The following OR51B5 variants were observed in gnomAD, a reference collection of about 807,000 sequenced individuals.
OR51B5 encodes the protein olfactory receptor 51B5.
For synonymous variants in OR51B5, 186 were observed against 144.8 expected, an observed-to-expected ratio of 1.28 and a Z score of -2.04; for missense variants, 456 against 374.6, an observed-to-expected ratio of 1.22 and a Z score of -1.79.
At chr11:5,479,162 C>A (rs1290579673) in intron 1 of OR51B5, among the ~76,000 whole-genome samples, 1 of 148,358 alleles carries the variant, frequency 6.7e-6, no homozygotes, top group African/African-American at 2.5e-5. Context: ...CAGCGGATCT[C>A]TCGGCAGAAA....
chr11:5,449,046 G>T (rs1320098381), intron 1 of OR51B5, among the ~76,000 whole-genome samples: 1 of 152,170 alleles, frequency 6.6e-6, no homozygotes, highest in Admixed American at 6.5e-5. Context: ...CATAAAGCCA[G>T]AATCTCTTAG....
At chr11:5,359,932 G>C (rs2133696545) in intron 1 of OR51B5, among the ~76,000 whole-genome samples, 1 of 152,306 alleles carries the variant, frequency 6.6e-6, no homozygotes, top group East Asian at 1.9e-4. Flanking sequence ...GGGAAAACTG[G>C]CTAACCATAC....
intron 1 of OR51B5, chr11:5,351,859 T>C: frequency 6.2e-7 from 1 of 1,613,688 alleles, no homozygotes; most frequent in Non-Finnish European, 8.5e-7. Context: ...TGCCATGGCT[T>C]ATGACTGTTT....
At chr11:5,393,263 GAATGT>G (rs1157902196) in intron 1 of OR51B5, 6 of 152,098 alleles carry the variant, frequency 3.9e-5, no homozygotes, top group African/African-American at 1.4e-4. Flanking sequence ...ATAATTTTAA[GAATGT>G]AAGCATACAA....
chr11:5,422,358 C>T, intron 1 of OR51B5: 1 of 1,614,172 alleles, frequency 6.2e-7, no homozygotes, highest in African/African-American at 1.3e-5. Flanking sequence ...GTCATTCGCA[C>T]AGAGCCATCT....
At chr11:5,390,866 A>C in intron 1 of OR51B5, 1 of 154,824 alleles carries the variant, frequency 6.5e-6, no homozygotes, top group Non-Finnish European at 1.4e-5. Flanking sequence ...TAACTTTCAG[A>C]CCCCCAAGTC....
At chr11:5,488,867 T>G in intron 1 of OR51B5, 1 of 1,614,082 alleles carries the variant, frequency 6.2e-7, no homozygotes, top group Non-Finnish European at 8.5e-7. Context: ...GTCATTGCCA[T>G]GGACAATGCT....
chr11:5,419,938 A>G (rs1219652127), intron 1 of OR51B5, among the ~76,000 whole-genome samples: 1 of 151,554 alleles, frequency 6.6e-6, no homozygotes, highest in Non-Finnish European at 1.5e-5. Context: ...ATATATAAAG[A>G]TTATAATTAG....
At chr11:5,455,561 G>T (rs1196307741) in intron 1 of OR51B5, 3 of 33,724 alleles carry the variant, frequency 8.9e-5, no homozygotes, top group African/African-American at 1.7e-4. Context: ...GAGAAAGAAG[G>T]GGGGAGAGAG....
intron 1 of OR51B5, among the ~76,000 whole-genome samples, chr11:5,423,588 C>G (rs1850393885): frequency 6.6e-6 from 1 of 152,160 alleles, no homozygotes; most frequent in African/African-American, 2.4e-5. Context: ...CTGGGTCACT[C>G]TCACGGGTGA....
At chr11:5,351,288 T>A (rs1020333436) in intron 1 of OR51B5, among the ~76,000 whole-genome samples, 6 of 152,228 alleles carry the variant, frequency 3.9e-5, no homozygotes, top group Admixed American at 3.9e-4. Flanking sequence ...TATCCAATAA[T>A]CTTACATAGA....
chr11:5,343,679 TCTCAGGGTTA>T (rs550258234), upstream of OR51B5: 48 of 534,754 alleles, frequency 9.0e-5, 1 homozygote, highest in East Asian at 1.4e-3. Flanking sequence ...CAAAATACAT[TCTCAGGGTTA>T]CTCATACTAT....
At chr11:5,378,649 A>T (rs1312762313) in intron 1 of OR51B5, among the ~76,000 whole-genome samples, 1 of 152,250 alleles carries the variant, frequency 6.6e-6, no homozygotes, top group Non-Finnish European at 1.5e-5. Flanking sequence ...CAAGTGGGCA[A>T]AGGATATGAA....
intron 1 of OR51B5, among the ~76,000 whole-genome samples, chr11:5,432,678 T>A (rs1304436168): frequency 4.6e-5 from 7 of 152,198 alleles, no homozygotes; most frequent in African/African-American, 1.7e-4. Flanking sequence ...ATAAGCAAGA[T>A]ATTACATGGG....
intron 1 of OR51B5, chr11:5,390,634 A>G (rs1042919836): frequency 7.0e-6 from 3 of 428,338 alleles, no homozygotes; most frequent in African/African-American, 2.0e-5. Context: ...ACTTTATTGA[A>G]GGTCATCATC....
At chr11:5,480,031 C>T (rs1462056211) in intron 1 of OR51B5, among the ~76,000 whole-genome samples, 1 of 151,648 alleles carries the variant, frequency 6.6e-6, no homozygotes, top group Admixed American at 6.6e-5. Flanking sequence ...ATCTACAGAA[C>T]TCTCCACCCC....
At chr11:5,426,836 C>T (rs1024628874) in intron 1 of OR51B5, among the ~76,000 whole-genome samples, 1 of 152,210 alleles carries the variant, frequency 6.6e-6, no homozygotes, top group African/African-American at 2.4e-5. Context: ...CTTAAAACTC[C>T]TTTTCTAGGA....
intron 1 of OR51B5, among the ~76,000 whole-genome samples, chr11:5,460,593 A>G (rs1259643507): frequency 1.7e-5 from 2 of 119,554 alleles, no homozygotes; most frequent in African/African-American, 3.1e-5. Flanking sequence ...AGCCATTTCA[A>G]TCAGGTTAAG....
chr11:5,393,186 G>A (rs1353548576), intron 1 of OR51B5: 3 of 151,906 alleles, frequency 2.0e-5, no homozygotes, highest in African/African-American at 4.8e-5. Flanking sequence ...CCATCTCCTA[G>A]GTCAGTGATC....
Sources: allele counts gnomAD v4.1 joint callset (sites outside exome capture counted in the v4.1 genomes callset), GRCh38; gene constraint gnomAD v4.1.1; transcripts MANE v1.5; gene names NCBI Gene and HGNC (gene_info 2026-07-23, HGNC 2026-07-21).